Variants in NTSR1 observed in about 807,000 individuals in gnomAD.
The protein encoded by NTSR1 is neurotensin receptor 1, also known as neurotensin receptor type 1.
In NTSR1, 29 loss-of-function variants were observed where a neutral mutation model predicts 31.2. That is an observed-to-expected ratio of 0.93 (90% CI 0.69 to 1.27). The LOEUF is 1.27. Ranked by LOEUF, NTSR1 falls within the 50% of genes most tolerant of loss-of-function variation. NTSR1 has a pLI of 0.00. For synonymous variants in NTSR1, 282 were observed against 269.9 expected, an observed-to-expected ratio of 1.04 and a Z score of -0.44; for missense variants, 697 against 595.4, an observed-to-expected ratio of 1.17 and a Z score of -1.78.
intron 1 of NTSR1, among the ~76,000 whole-genome samples, chr20:62,749,226 G>A (rs1272351525): frequency 6.6e-6 from 1 of 152,160 alleles, no homozygotes; most frequent in Non-Finnish European, 1.5e-5. Flanking sequence ...CGGATCACGA[G>A]GTCAGGAGAT....
At position 62,711,259 on chromosome 20, in the gene NTSR1, T is replaced by G. The variant is rs1325194612; in HGVS notation, c.714+1338T>G. On this transcript the variant is annotated intron_variant, in intron 1 of 3. Transcript: ENST00000370501. The surrounding 1 kb of genome is among the most constrained non-coding windows in gnomAD (Gnocchi z 6.4). The stretch of plus-strand genomic sequence containing the variant: ...TCCCACAGACACTGGTGGCAGGCAG[T>G]GAGTCAGGGCTGCTTTGCTTCTGCG... Among the ~76,000 whole-genome samples the G allele has an allele frequency of 6.6e-5, 10 of 152,136 alleles. No homozygotes were observed. The highest frequency in any genetic ancestry group is 2.4e-4 in the African/African-American group (10 of 41,434).
rs1160964885 is a variant in NTSR1 at position 62,733,416 on chromosome 20, C to T, written c.715-21269C>T. Among the ~76,000 whole-genome samples, 1 of 152,176 alleles carries T rather than the reference C, an allele frequency of 6.6e-6. No homozygotes were observed. Among genetic ancestry groups the T allele is most frequent in the Non-Finnish European group, 1.5e-5 (1 of 68,040 alleles). On this transcript the variant is annotated intron_variant, in intron 1 of 3. Transcript: ENST00000370501. The surrounding 1 kb of genome is among the most constrained non-coding windows in gnomAD (Gnocchi z 5.2). ...AGCATCTCTCGGGACAGTTGTGTTT[C>T]CCTTGGGCAGGGAGCCACTGGCAGC...
In NTSR1 at chr20:62,741,944, C is replaced by A. The variant is rs370969279; in HGVS notation, c.715-12741C>A. Among the ~76,000 whole-genome samples the A allele has an allele frequency of 3.2e-4, 48 of 149,484 alleles. 7 individuals are homozygous for A. Among genetic ancestry groups the A allele is most frequent in the African/African-American group, 1.1e-3 (43 of 40,040 alleles). On this transcript the variant is annotated intron_variant, in intron 1 of 3. Transcript: ENST00000370501. This position sits in a 1 kb window ranked among gnomAD's most constrained non-coding sequence, Gnocchi z 4.3. ...TGGGTTTCTTTATCTACAAAAGGAG[C>A]CTGACAGGAGCCTCTGCCTCACAGA...
chr20:62,716,614 T>TGTTGGTTGTGGTTCAAAGCTC (rs1988729156), intron 1 of NTSR1, among the ~76,000 whole-genome samples: 3 of 152,124 alleles, frequency 2.0e-5, no homozygotes, highest in African/African-American at 7.2e-5. Context: ...CGTGAGTCTG[T>TGTTGGTTGTGGTTCAAAGCTC]GAAAAACAAC....
rs750163510 is a variant in NTSR1, at chr20:62,734,198, G to C, written c.715-20487G>C. On this transcript the variant is annotated intron_variant, in intron 1 of 3. Transcript: ENST00000370501. Reference sequence around the variant, plus strand: ...ACTGAGTTCACTCTTCAGCCCTGGTGGGGGACGGGCAAGAGATGGGGCGTG... The same window carrying C: ...ACTGAGTTCACTCTTCAGCCCTGGTCGGGGACGGGCAAGAGATGGGGCGTG... Among the ~76,000 whole-genome samples the C allele has an allele frequency of 5.5e-4, 83 of 152,222 alleles. 2 individuals carry two copies. The highest frequency in any genetic ancestry group is 1.7e-3 in the South Asian group (8 of 4,812).
Position 62,739,193 on chromosome 20 carries a change from C to T in NTSR1, c.715-15492C>T, listed in dbSNP as rs532917198. ...GCTGAGAGGCTCTCCAGGACACTTC[C>T]GGGCAGCAGGCCCCCTCTGGCTGTG... On this transcript the variant is annotated intron_variant, in intron 1 of 3. Coordinates refer to ENST00000370501, the MANE Select transcript of NTSR1 (RefSeq NM_002531.3). Among the ~76,000 whole-genome samples the T allele has an allele frequency of 2.6e-5, 4 of 152,318 alleles. No individual in the cohort carries two copies. In the East Asian group the frequency reaches 5.8e-4, roughly 22 times the overall value.
intron 1 of NTSR1, among the ~76,000 whole-genome samples, chr20:62,736,743 C>A (rs776924175): frequency 2.0e-5 from 3 of 152,226 alleles, no homozygotes; most frequent in Non-Finnish European, 4.4e-5. Context: ...ACACACCTGG[C>A]GTAGGAGTTA....
intron 1 of NTSR1, among the ~76,000 whole-genome samples, chr20:62,751,057 TG>T (rs1332816688): frequency 3.9e-5 from 6 of 152,086 alleles, no homozygotes; most frequent in African/African-American, 1.4e-4. Flanking sequence ...TTTTAGTTTT[TG>T]TAGAGATGGG....
At chr20:62,712,172 T>C (rs1988629966) in intron 1 of NTSR1, among the ~76,000 whole-genome samples, 1 of 152,150 alleles carries the variant, frequency 6.6e-6, no homozygotes, top group Non-Finnish European at 1.5e-5. Flanking sequence ...TGCCCCGCCA[T>C]TTGCCATTTT....
At chr20:62,749,164 G>A (rs1006373530) in intron 1 of NTSR1, among the ~76,000 whole-genome samples, 1 of 152,172 alleles carries the variant, frequency 6.6e-6, no homozygotes, top group South Asian at 2.1e-4. Context: ...ATTGTAGGCC[G>A]GGCGCGGTGG....
intron 1 of NTSR1, among the ~76,000 whole-genome samples, chr20:62,753,354 G>C (rs1233366060): frequency 6.6e-6 from 1 of 152,194 alleles, no homozygotes; most frequent in Admixed American, 6.5e-5. Context: ...TGTCCTCACC[G>C]GGACCATCCT....
intron 1 of NTSR1, among the ~76,000 whole-genome samples, chr20:62,750,462 G>A (rs1432376710): frequency 2.6e-5 from 4 of 152,056 alleles, no homozygotes; most frequent in Non-Finnish European, 5.9e-5. Flanking sequence ...AGGCCGAGGC[G>A]GGTGGATCAC....
intron 1 of NTSR1, among the ~76,000 whole-genome samples, chr20:62,723,618 T>G (rs1432361908): frequency 6.6e-6 from 1 of 152,178 alleles, no homozygotes; most frequent in Non-Finnish European, 1.5e-5. Context: ...GGATCCCTGG[T>G]CCAGGGCTCA....
At chr20:62,751,517 G>A (rs1989394150) in intron 1 of NTSR1, among the ~76,000 whole-genome samples, 1 of 152,244 alleles carries the variant, frequency 6.6e-6, no homozygotes, top group African/African-American at 2.4e-5. Context: ...ACCGGTGCTG[G>A]CTTTATTCTT....
chr20:62,737,962 T>C (rs972958136), intron 1 of NTSR1, among the ~76,000 whole-genome samples: 7 of 77,136 alleles, frequency 9.1e-5, no homozygotes, highest in African/African-American at 5.9e-4. Flanking sequence ...AGCTCCCTCC[T>C]CTGGAAAATG....
intron 1 of NTSR1, among the ~76,000 whole-genome samples, chr20:62,748,775 C>CA (rs749376297): frequency 3.9e-5 from 6 of 152,050 alleles, no homozygotes; most frequent in Non-Finnish European, 8.8e-5. Flanking sequence ...TGGATTAATC[C>CA]ATTCATAAAT....
chr20:62,730,682 C>T (rs761886836), intron 1 of NTSR1, among the ~76,000 whole-genome samples: 16 of 152,356 alleles, frequency 1.1e-4, no homozygotes, highest in East Asian at 5.8e-4. Context: ...AGCACGGCTG[C>T]GCCATTTTGA....
chr20:62,710,731 G>A (rs921464735), intron 1 of NTSR1, among the ~76,000 whole-genome samples: 2 of 152,172 alleles, frequency 1.3e-5, no homozygotes, highest in Admixed American at 6.5e-5. Context: ...GGCACGGGGG[G>A]TTCCAGTGCT....
chr20:62,725,867 G>A (rs1988898022), intron 1 of NTSR1, among the ~76,000 whole-genome samples: 1 of 152,080 alleles, frequency 6.6e-6, no homozygotes, highest in Non-Finnish European at 1.5e-5. Flanking sequence ...GGCTAGCAGT[G>A]CCCAGGATCA....
Sources: allele counts gnomAD v4.1 joint callset (sites outside exome capture counted in the v4.1 genomes callset), GRCh38; gene constraint gnomAD v4.1.1; non-coding constraint Gnocchi (gnomAD v3.1); transcripts MANE v1.5; gene names NCBI Gene and HGNC (gene_info 2026-07-23, HGNC 2026-07-21).